KIAA0825: variants seen among roughly 807,000 people sequenced by gnomAD.
The protein encoded by KIAA0825 is uncharacterized protein KIAA0825.
KIAA0825 carries 119 observed loss-of-function variants against 147.6 expected under a neutral mutation model. That is an observed-to-expected ratio of 0.81 (90% confidence interval 0.69 to 0.94). The LOEUF (loss-of-function observed/expected upper bound fraction) is 0.94. Among genes scored for constraint, KIAA0825 ranks in the 40% least tolerant of loss-of-function variants. The pLI, the probability that KIAA0825 is intolerant of heterozygous loss-of-function variation, is 0.00. For missense variants in KIAA0825, 1,381 were observed against 1,472.7 expected, an observed-to-expected ratio of 0.94 and a Z score of 1.02; for synonymous variants, 470 against 518.1, an observed-to-expected ratio of 0.91 and a Z score of 1.26.
In KIAA0825 at chr5:94,455,965, G is replaced by A. The variant is rs908079677; in HGVS notation, c.2247-2896C>T. Among the ~76,000 whole-genome samples the A allele has an allele frequency of 2.0e-5, 3 of 152,270 alleles. No individual in the cohort carries two copies. In the East Asian group the frequency reaches 5.8e-4, roughly 29 times the overall value. On this transcript the variant is annotated intron_variant, in intron 12 of 20. Transcript: ENST00000682413. ...CAGAGTCTGGATACAGCCCAAGAAA[G>A]TGAGGGTATGAGGAGGACCATGCCA...
intron 3 of KIAA0825, among the ~76,000 whole-genome samples, chr5:94,533,039 C>T (rs1309980042): frequency 1.4e-5 from 2 of 147,786 alleles, no homozygotes; most frequent in East Asian, 4.0e-4. Context: ...AGTGCAGTGA[C>T]ACTATCTCGG....
At chr5:94,307,996 C>G (rs541428685) in intron 20 of KIAA0825, among the ~76,000 whole-genome samples, 1 of 151,706 alleles carries the variant, frequency 6.6e-6, no homozygotes, top group East Asian at 1.9e-4. Flanking sequence ...CACTGGTAGA[C>G]CAAAAGATCT....
At chr5:94,523,037 C>T (rs895883171) in intron 4 of KIAA0825, among the ~76,000 whole-genome samples, 2 of 151,602 alleles carry the variant, frequency 1.3e-5, no homozygotes, top group Non-Finnish European at 3.0e-5. Flanking sequence ...GGCTTCAGGG[C>T]ACACAGTCTT....
chr5:94,573,823 CT>C (rs1453898577), intron 2 of KIAA0825, among the ~76,000 whole-genome samples: 2 of 152,068 alleles, frequency 1.3e-5, no homozygotes, highest in Non-Finnish European at 1.5e-5. Flanking sequence ...GCTTTTCTTT[CT>C]TTTCTTGTAA....
chr5:94,263,153 C>A (rs918001280), intron 20 of KIAA0825, among the ~76,000 whole-genome samples: 2 of 152,082 alleles, frequency 1.3e-5, no homozygotes, highest in Non-Finnish European at 2.9e-5. Context: ...AATATAAAAA[C>A]CAAGACATCC....
intron 2 of KIAA0825, among the ~76,000 whole-genome samples, chr5:94,549,588 C>G (rs1775118146): frequency 6.6e-6 from 1 of 152,100 alleles, no homozygotes; most frequent in Non-Finnish European, 1.5e-5. Flanking sequence ...TGGCAGGTGC[C>G]TGCAATCCCA....
At chr5:94,592,972 G>A (rs1784613657) in intron 1 of KIAA0825, 1 of 579,166 alleles carries the variant, frequency 1.7e-6, no homozygotes, top group Admixed American at 2.6e-5. Flanking sequence ...AAAACAAGTG[G>A]GATGTACATT....
intron 2 of KIAA0825, among the ~76,000 whole-genome samples, chr5:94,581,170 G>A (rs1174872614): frequency 6.6e-6 from 1 of 151,996 alleles, no homozygotes; most frequent in Non-Finnish European, 1.5e-5. Context: ...CTATAGAGGT[G>A]ATAACACCAA....
chr5:94,297,331 A>G (rs139700246), intron 20 of KIAA0825, among the ~76,000 whole-genome samples: 1 of 152,384 alleles, frequency 6.6e-6, no homozygotes, highest in East Asian at 1.9e-4. Flanking sequence ...ATGAAGAAAC[A>G]GAACTTGAGC....
chr5:94,593,285 T>C (rs1349224168), intron 1 of KIAA0825: 5 of 775,116 alleles, frequency 6.5e-6, no homozygotes, highest in Admixed American at 3.4e-5. Flanking sequence ...AGTCCATTAA[T>C]GGGAAAAATA....
intron 20 of KIAA0825, among the ~76,000 whole-genome samples, chr5:94,354,577 T>A (rs1280078637): frequency 6.6e-6 from 1 of 152,042 alleles, no homozygotes; most frequent in Admixed American, 6.6e-5. Flanking sequence ...TGAAAAAAAA[T>A]AAGAAAACAT....
chr5:94,518,607 T>C (rs1028639834), intron 5 of KIAA0825, among the ~76,000 whole-genome samples: 1 of 152,160 alleles, frequency 6.6e-6, no homozygotes, highest in African/African-American at 2.4e-5. Context: ...CTTTCTAAGT[T>C]TCTTTCTGTG....
intron 20 of KIAA0825, among the ~76,000 whole-genome samples, chr5:94,213,715 A>G (rs550987528): frequency 2.6e-5 from 4 of 152,262 alleles, no homozygotes; most frequent in African/African-American, 9.6e-5. Flanking sequence ...AGTTTGGAAT[A>G]TTATTTCCAT....
At chr5:94,241,944 C>T (rs1361672490) in intron 20 of KIAA0825, among the ~76,000 whole-genome samples, 2 of 152,188 alleles carry the variant, frequency 1.3e-5, no homozygotes, top group African/African-American at 2.4e-5. Context: ...GTTTTTATTA[C>T]CAGTAGATTG....
At chr5:94,299,371 C>T (rs1562356317) in intron 20 of KIAA0825, among the ~76,000 whole-genome samples, 1 of 151,548 alleles carries the variant, frequency 6.6e-6, no homozygotes, top group African/African-American at 2.4e-5. Context: ...TGAGCACCAT[C>T]ACGCTTGGGT....
intron 6 of KIAA0825, among the ~76,000 whole-genome samples, chr5:94,484,070 A>G (rs1207549718): frequency 6.6e-6 from 1 of 151,794 alleles, no homozygotes; most frequent in East Asian, 1.9e-4. Flanking sequence ...CTCAACCATT[A>G]TACCTTTGAA....
intron 3 of KIAA0825, among the ~76,000 whole-genome samples, chr5:94,528,855 T>C (rs553693103): frequency 1.8e-4 from 27 of 151,876 alleles, no homozygotes; most frequent in African/African-American, 5.6e-4. Flanking sequence ...AGTCAGAATG[T>C]GGTTTATCCC....
intron 14 of KIAA0825, among the ~76,000 whole-genome samples, chr5:94,439,566 C>T (rs1756808818): frequency 1.3e-5 from 2 of 152,078 alleles, no homozygotes; most frequent in African/African-American, 2.4e-5. Flanking sequence ...AAGCACCCTT[C>T]GTGATACACT....
intron 6 of KIAA0825, 84 bp downstream of exon 6, chr5:94,484,685 A>C: frequency 1.1e-6 from 1 of 898,228 alleles, no homozygotes; most frequent in Non-Finnish European, 1.6e-6. Context: ...GTTTTTTTCA[A>C]GTAATCGTTT....
Sources: allele counts gnomAD v4.1 joint callset (sites outside exome capture counted in the v4.1 genomes callset), GRCh38; gene constraint gnomAD v4.1.1; transcripts MANE v1.5; gene names NCBI Gene and HGNC (gene_info 2026-07-23, HGNC 2026-07-21).